The following AKAP6 variants were observed in gnomAD, a reference collection of about 807,000 sequenced individuals.
AKAP6 encodes the protein A-kinase anchoring protein 6, also known as A-kinase anchor protein 6.
AKAP6 carries 58 observed loss-of-function variants against 188.5 expected under a neutral mutation model. That is an observed-to-expected ratio of 0.31 (90% CI 0.25 to 0.38). The LOEUF is 0.38. Among genes scored for constraint, AKAP6 ranks in the 10% least tolerant of loss-of-function variants. The probability of loss-of-function intolerance (pLI) is 1.00; values close to 1 mark genes in which losing one functional copy is unlikely to be tolerated. For missense variants in AKAP6, 2,710 were observed against 2,740.0 expected (o/e 0.99, Z 0.24); for synonymous variants, 989 against 998.6 (o/e 0.99, Z 0.18).
In AKAP6 at chr14:32,599,418, G is replaced by A. The variant is rs1885833056; in HGVS notation, c.2478G>A (p.Lys826=). The A allele has an allele frequency of 6.2e-7, 1 of 1,612,304 alleles. No homozygotes were observed. Among genetic ancestry groups the A allele is most frequent in the East Asian group, 2.2e-5 (1 of 44,822 alleles). ...KLYLETHLSF[K]LNVDSHCALK... ...CATATTTTTCCTTGCAGAGTTTTAA[G>A]TTGAATGTAGACAGTCATTGTGCTC... is the stretch of plus-strand genomic sequence containing the variant. The change falls in exon 6 of 14, where the codon AAG becomes AAA. Residue 826 remains lysine, a synonymous_variant. Coordinates refer to ENST00000280979, the MANE Select transcript of AKAP6 (RefSeq NM_004274.5).
At chr14:32,432,345 T>A (rs1357120043) in intron 1 of AKAP6, among the ~76,000 whole-genome samples, 1 of 152,214 alleles carries the variant, frequency 6.6e-6, no homozygotes, top group Non-Finnish European at 1.5e-5. Context: ...AGAAGAAAGA[T>A]AAATTTAATA....
chr14:32,417,494 A>G (rs1176771046), intron 1 of AKAP6, among the ~76,000 whole-genome samples: 2 of 152,190 alleles, frequency 1.3e-5, no homozygotes, highest in Admixed American at 6.5e-5. Context: ...GTAAATACAC[A>G]AGGAAGCTGC....
intron 5 of AKAP6, among the ~76,000 whole-genome samples, 192 bp downstream of exon 5, chr14:32,577,434 T>G (rs1884778662): frequency 6.6e-6 from 1 of 152,164 alleles, no homozygotes; most frequent in African/African-American, 2.4e-5. Flanking sequence ...ATCATCTCTG[T>G]TTCAAGCTAC....
chr14:32,563,698 C>A (rs940016292), intron 4 of AKAP6, among the ~76,000 whole-genome samples: 19 of 152,126 alleles, frequency 1.2e-4, no homozygotes, highest in African/African-American at 4.6e-4. Context: ...GGTTCCTGCA[C>A]CCTCTTCTCT....
At chr14:32,423,063 C>G (rs1393846023) in intron 1 of AKAP6, among the ~76,000 whole-genome samples, 2 of 152,070 alleles carry the variant, frequency 1.3e-5, no homozygotes, top group Non-Finnish European at 2.9e-5. Flanking sequence ...TAACAAAAAA[C>G]TTTTTTCAGT....
intron 7 of AKAP6, among the ~76,000 whole-genome samples, chr14:32,614,437 G>A (rs899250589): frequency 6.6e-6 from 1 of 152,134 alleles, no homozygotes; most frequent in African/African-American, 2.4e-5. Flanking sequence ...TGAAATAGAA[G>A]CTCTTGTTTT....
chr14:32,577,311 G>A, intron 5 of AKAP6, 69 bp downstream of exon 5: 1 of 1,555,326 alleles, frequency 6.4e-7, no homozygotes, highest in Non-Finnish European at 8.6e-7. Flanking sequence ...GTTTGTTTAT[G>A]AGAAATATCA....
rs148366662 is a variant in AKAP6, at chr14:32,478,427, G to T, written c.324+44610G>T. Among the ~76,000 whole-genome samples, 222 of 152,288 alleles carry T rather than the reference G, an allele frequency of 1.5e-3. 1 individual carries two copies. Among genetic ancestry groups the T allele is most frequent in the South Asian group, 8.5e-3 (41 of 4,818 alleles). ...AATTCCAAGCTCCAACTGGAGTCAA[G>T]ATGTGAAGCAGCAGCAGTAACACTA... On this transcript the variant is annotated intron_variant, in intron 2 of 13. Transcript: ENST00000280979.
chr14:32,492,699 C>G (rs1880101174), intron 2 of AKAP6, among the ~76,000 whole-genome samples: 2 of 151,788 alleles, frequency 1.3e-5, no homozygotes, highest in South Asian at 4.1e-4. Context: ...TTATCTTTCT[C>G]TCTCTTAAAA....
intron 1 of AKAP6, among the ~76,000 whole-genome samples, chr14:32,384,874 G>C (rs1263391847): frequency 2.0e-5 from 3 of 152,100 alleles, no homozygotes; most frequent in Non-Finnish European, 2.9e-5. Context: ...GTCTGTTAGG[G>C]TGGGTGGAGG....
chr14:32,800,070 TAGAAATATATATATATACAAA>T (rs1467630672), intron 12 of AKAP6, among the ~76,000 whole-genome samples: 12 of 128,416 alleles, frequency 9.3e-5, no homozygotes, highest in Admixed American at 2.3e-4. Flanking sequence ...TCTATATATA[TAGAAATATATATATATACAAA>T]ATATATATAT....
At chr14:32,387,183 A>G (rs979436907) in intron 1 of AKAP6, among the ~76,000 whole-genome samples, 6 of 152,010 alleles carry the variant, frequency 3.9e-5, no homozygotes, top group African/African-American at 1.4e-4. Context: ...AGTTCTAGGA[A>G]CTTTCTGGAG....
At position 32,582,888 on chromosome 14, in the gene AKAP6, G is replaced by A. The variant is rs369822946; in HGVS notation, c.2469+5646G>A. Among the ~76,000 whole-genome samples the A allele has an allele frequency of 3.9e-4, 59 of 151,012 alleles. No homozygotes were observed. The East Asian group carries it at 8.2e-3, about 21-fold the overall frequency. On this transcript the variant is annotated intron_variant, in intron 5 of 13. Transcript: ENST00000280979. ...TATTGGTTATTCTAGTTATACATTC[G>A]TCTAAATTTTTTTCAAAGTTTTTAA... is the stretch of plus-strand genomic sequence containing the variant.
At chr14:32,807,535 G>A (rs564875987) in intron 12 of AKAP6, among the ~76,000 whole-genome samples, 1 of 152,172 alleles carries the variant, frequency 6.6e-6, no homozygotes, top group South Asian at 2.1e-4. Context: ...CTAAGTACAT[G>A]GTTGTCTCTT....
chr14:32,672,458 T>C (rs1174344807), intron 7 of AKAP6, among the ~76,000 whole-genome samples: 1 of 152,188 alleles, frequency 6.6e-6, no homozygotes, highest in African/African-American at 2.4e-5. Context: ...GCCTCTCTCC[T>C]TGGCTCACAG....
At chr14:32,635,040 C>T (rs1887428970) in intron 7 of AKAP6, among the ~76,000 whole-genome samples, 1 of 151,888 alleles carries the variant, frequency 6.6e-6, no homozygotes, top group African/African-American at 2.4e-5. Flanking sequence ...CTCAGTATTG[C>T]TGAGTTTAAT....
chr14:32,452,056 C>G (rs1269234607), intron 2 of AKAP6, among the ~76,000 whole-genome samples: 1 of 74,864 alleles, frequency 1.3e-5, no homozygotes, highest in Non-Finnish European at 2.3e-5. Context: ...TGGTATTGCT[C>G]TGTTGCCCAG....
At chr14:32,588,702 G>A (rs1594766160) in intron 5 of AKAP6, among the ~76,000 whole-genome samples, 1 of 152,170 alleles carries the variant, frequency 6.6e-6, no homozygotes, top group South Asian at 2.1e-4. Context: ...CTTGGTATCC[G>A]TGAAGGGTTT....
rs79960732 is a variant in AKAP6 at position 32,429,495 on chromosome 14, A to G, written c.-34-3965A>G. ...GTGATTTTGTTAAAATCAGAAAAAG[A>G]GTATGACCATCCATATATGCTACAT... On this transcript the variant is annotated intron_variant, in intron 1 of 13. Coordinates refer to ENST00000280979, the MANE Select transcript of AKAP6 (RefSeq NM_004274.5). 1.1e-3 allele frequency among the ~76,000 whole-genome samples: 166 copies of G among 152,342 alleles called. 2 individuals carry two copies. In the East Asian group the frequency reaches 0.026, roughly 24 times the overall value.
Sources: gnomAD v4.1 joint callset for allele counts (sites outside exome capture counted in the v4.1 genomes callset) on GRCh38, gnomAD v4.1.1 for gene constraint, MANE v1.5 for transcripts, NCBI Gene and HGNC (gene_info 2026-07-23, HGNC 2026-07-21) for gene names.